The following AHCTF1 variants were observed in gnomAD, a reference collection of about 807,000 sequenced individuals.
The protein encoded by AHCTF1 is protein ELYS.
In AHCTF1, 24 loss-of-function variants were observed where a neutral mutation model predicts 248.4. The observed-to-expected ratio is 0.10, with a 90% confidence interval of 0.07 to 0.14. The LOEUF (loss-of-function observed/expected upper bound fraction) is 0.14. AHCTF1 is among the 10% of genes least tolerant of loss of function. The probability of loss-of-function intolerance (pLI) is 1.00; values close to 1 mark genes in which losing one functional copy is unlikely to be tolerated. For synonymous variants in AHCTF1, 786 were observed against 929.8 expected, an observed-to-expected ratio of 0.85 and a Z score of 2.81; for missense variants, 2,206 against 2,636.2, an observed-to-expected ratio of 0.84 and a Z score of 3.57.
intron 30 of AHCTF1, among the ~76,000 whole-genome samples, chr1:246,856,381 C>T (rs1419710887): frequency 6.6e-6 from 1 of 152,146 alleles, no homozygotes; most frequent in Non-Finnish European, 1.5e-5. Flanking sequence ...TTGAAAATTA[C>T]AACAAATAGT....
chr1:246,867,952 T>TTA (rs1243030636), intron 24 of AHCTF1, 141 bp from the exon 25 acceptor site: 12 of 281,250 alleles, frequency 4.3e-5, no homozygotes, highest in East Asian at 3.5e-4. Flanking sequence ...AAAATTTTAA[T>TTA]TATATATATA....
In AHCTF1 at chr1:246,888,187, T is replaced by C; in HGVS notation, c.2315A>G (p.Lys772Arg). The change falls in exon 19 of 36, where the codon AAA (lysine) becomes AGA (arginine). Residue 772 changes from lysine to arginine, a missense_variant. Lys to Arg is a conservative substitution (Grantham distance 26, BLOSUM62 2). Coordinates refer to ENST00000648844, the MANE Select transcript of AHCTF1 (RefSeq NM_001323342.2). ...YLLDGVTEAAKHSITIYLLLD... is the reference protein window; with the variant it reads ...YLLDGVTEAARHSITIYLLLD... ...AACTTAAAAGGATACAATAGAGTGTTTGGCTGCTTCAGTAACGCCGTCTAA... is the reference window on the plus strand; with the variant it reads ...AACTTAAAAGGATACAATAGAGTGTCTGGCTGCTTCAGTAACGCCGTCTAA... 1 of 1,614,076 alleles carries C rather than the reference T, an allele frequency of 6.2e-7. No homozygotes were observed. Among genetic ancestry groups the C allele is most frequent in the Non-Finnish European group, 8.5e-7 (1 of 1,179,956 alleles).
At chr1:246,855,891 G>A in intron 30 of AHCTF1, 64 bp from the exon 31 acceptor site, 1 of 1,202,870 alleles carries the variant, frequency 8.3e-7, no homozygotes, top group Non-Finnish European at 1.2e-6. Flanking sequence ...ACCTGCTTTA[G>A]TCCTACCACC....
At position 246,849,895 on chromosome 1, in the gene AHCTF1, TTCC is replaced by T. The variant is rs752175571; in HGVS notation, c.6108_6110del (p.Glu2037del). 57 of 1,613,958 alleles carry T rather than the reference TTCC, an allele frequency of 3.5e-5. 1 individual carries two copies. The highest frequency in any genetic ancestry group is 3.0e-4 in the South Asian group (27 of 91,074). Reference sequence around the variant, plus strand: ...TCTTAGAGCTCATCACCATCGAAAGTTCCTCGTTTGGCACTAAAATGGATTTTC... The same window carrying T: ...TCTTAGAGCTCATCACCATCGAAAGTTCGTTTGGCACTAAAATGGATTTTC... On this transcript the variant is annotated inframe_deletion, in exon 33 of 36. Transcript: ENST00000648844.
intron 1 of AHCTF1, among the ~76,000 whole-genome samples, chr1:246,929,250 A>T (rs1427266560): frequency 1.3e-5 from 2 of 152,080 alleles, no homozygotes; most frequent in Non-Finnish European, 2.9e-5. Flanking sequence ...CTCTACTAAA[A>T]TACAAAAAAT....
chr1:246,868,073 C>T (rs1024603489), intron 24 of AHCTF1, among the ~76,000 whole-genome samples: 19 of 151,872 alleles, frequency 1.3e-4, no homozygotes, highest in African/African-American at 4.6e-4. Flanking sequence ...AGCGATTCTC[C>T]TGCCTCAGCC....
At chr1:246,855,122 C>A (rs766878377) in intron 31 of AHCTF1, among the ~76,000 whole-genome samples, 14 of 152,162 alleles carry the variant, frequency 9.2e-5, no homozygotes, top group Non-Finnish European at 1.6e-4. Context: ...AGTCAGATAA[C>A]AACTATGTCA....
Position 246,923,959 on chromosome 1 carries a change from G to C in AHCTF1, c.-7-5582C>G, listed in dbSNP as rs1572476265. Among the ~76,000 whole-genome samples the C allele has an allele frequency of 2.0e-5, 3 of 152,204 alleles. No individual in the cohort carries two copies. In the South Asian group the frequency reaches 6.2e-4, roughly 31 times the overall value. ...GGGCCATGTTTCAGGGAACTGTGCT[G>C]CTGTTTTGGGAGAAAGGTGAAGGCC... On this transcript the variant is annotated intron_variant, in intron 1 of 35. Transcript: ENST00000648844.
At chr1:246,912,846 G>T (rs1372362809) in intron 4 of AHCTF1, among the ~76,000 whole-genome samples, 1 of 152,126 alleles carries the variant, frequency 6.6e-6, no homozygotes, top group African/African-American at 2.4e-5. Flanking sequence ...CACTATGTTA[G>T]ATCCTACATT....
In AHCTF1 at chr1:246,855,704, C is replaced by T. The variant is rs2103053769; in HGVS notation, c.4354+26G>A. ...ACTCAAAACACAAAAATGGAATAAT[C>T]CTGAAGTCAAAATTATTATACATAC... is the stretch of plus-strand genomic sequence containing the variant. On this transcript the variant is annotated intron_variant, in intron 31 of 35. Transcript: ENST00000648844. 3.9e-6 allele frequency: 6 copies of T among 1,545,584 alleles called. No homozygotes were observed. In the South Asian group the frequency reaches 4.6e-5, roughly 12 times the overall value.
chr1:246,855,948 A>G (rs192374185), intron 30 of AHCTF1, 121 bp from the exon 31 acceptor site: 1 of 571,192 alleles, frequency 1.8e-6, no homozygotes, highest in African/African-American at 1.9e-5. Context: ...AGAATTCAAT[A>G]CAACTCAAGC....
At chr1:246,877,984 G>A (rs928684812) in intron 21 of AHCTF1, among the ~76,000 whole-genome samples, 1 of 151,474 alleles carries the variant, frequency 6.6e-6, no homozygotes, top group Non-Finnish European at 1.5e-5. Flanking sequence ...TATCTTGAAG[G>A]TTCACTTGAG....
chr1:246,858,845 A>AT (rs1434928663), intron 29 of AHCTF1, among the ~76,000 whole-genome samples: 2 of 152,176 alleles, frequency 1.3e-5, no homozygotes, highest in African/African-American at 4.8e-5. Context: ...AGACTGCCTA[A>AT]TATTGTAAGA....
At chr1:246,894,797 CAG>C (rs1465079635) in intron 13 of AHCTF1, 49 bp from the exon 14 acceptor site, 6 of 1,509,880 alleles carry the variant, frequency 4.0e-6, no homozygotes, top group Non-Finnish European at 5.5e-6. Flanking sequence ...TAATTACAAA[CAG>C]AGTTCTAAAT....
chr1:246,886,064 C>A (rs1382253346), intron 20 of AHCTF1, among the ~76,000 whole-genome samples: 4 of 152,172 alleles, frequency 2.6e-5, no homozygotes, highest in Non-Finnish European at 1.5e-5. Context: ...AGTGCAGTGG[C>A]TCATGCCTAT....
At chr1:246,919,693 G>C (rs761020927) in intron 1 of AHCTF1, among the ~76,000 whole-genome samples, 33 of 117,714 alleles carry the variant, frequency 2.8e-4, no homozygotes, top group Non-Finnish European at 4.1e-4. Context: ...GACAGAGCAA[G>C]ACTCCATCTC....
rs1333025600 is a variant in AHCTF1, at chr1:246,876,126, T to C, written c.2999A>G (p.Tyr1000Cys). Reference sequence around the variant, plus strand: ...ATGGACTCTAGGAAGGATTTTTCCATACTGGTCTAATATAGAATTTCGAGC... The same window carrying C: ...ATGGACTCTAGGAAGGATTTTTCCACACTGGTCTAATATAGAATTTCGAGC... Reference protein sequence around the residue: ...SLARNSILDQYGKILPRVHRK... With the variant: ...SLARNSILDQCGKILPRVHRK... Residue 1000 changes from tyrosine (Y) to cysteine (C), a missense_variant, in exon 24 of 36, where the codon TAT becomes TGT. Around this residue, in one of 6 missense-constraint regions of AHCTF1, gnomAD observed 955 missense variants for 1,055.6 expected, o/e 0.90. Coordinates refer to ENST00000648844, the MANE Select transcript of AHCTF1 (RefSeq NM_001323342.2). 6.2e-7 allele frequency: 1 copy of C among 1,609,636 alleles called. No individual in the cohort carries two copies.
At position 246,925,579 on chromosome 1, in the gene AHCTF1, C is replaced by T. The variant is rs547749980; in HGVS notation, c.-8+5999G>A. Among the ~76,000 whole-genome samples, 24 of 152,236 alleles carry T rather than the reference C, an allele frequency of 1.6e-4. No homozygotes were observed. The South Asian group carries it at 1.7e-3, about 11-fold the overall frequency. On this transcript the variant is annotated intron_variant, in intron 1 of 35. Coordinates refer to ENST00000648844, the MANE Select transcript of AHCTF1 (RefSeq NM_001323342.2). ...AGGTTGCAGTAAGCTATGATCAGGC[C>T]ACTGCACTCCAGCCTGGGCAAGATC...
intron 24 of AHCTF1, among the ~76,000 whole-genome samples, chr1:246,870,310 C>T (rs1662494911): frequency 6.6e-6 from 1 of 152,084 alleles, no homozygotes; most frequent in African/African-American, 2.4e-5. Flanking sequence ...GCAGTCTCAG[C>T]CACTCGGAAA....
Sources: allele counts gnomAD v4.1 joint callset (sites outside exome capture counted in the v4.1 genomes callset), GRCh38; gene constraint gnomAD v4.1.1; regional missense constraint gnomAD v4.1.1; transcripts MANE v1.5; gene names NCBI Gene and HGNC (gene_info 2026-07-23, HGNC 2026-07-21).